The following SIGLEC1 variants were observed in gnomAD, a reference collection of about 807,000 sequenced individuals.
The protein encoded by SIGLEC1 is sialoadhesin.
In SIGLEC1, 132 loss-of-function variants were observed where a neutral mutation model predicts 148.0. The ratio of observed to expected loss-of-function variants is 0.89; its 90% CI spans 0.77 to 1.03. SIGLEC1 has a LOEUF of 1.03. Ranked by LOEUF, SIGLEC1 falls within the 50% of genes least tolerant of loss-of-function variation. The probability of loss-of-function intolerance (pLI) is 0.00; values close to 1 mark genes in which losing one functional copy is unlikely to be tolerated. For synonymous variants in SIGLEC1, 945 were observed against 969.0 expected, an observed-to-expected ratio of 0.98 and a Z score of 0.46; for missense variants, 2,253 against 2,271.4, an observed-to-expected ratio of 0.99 and a Z score of 0.16.
chr20:3,697,186 G>A lies in SIGLEC1; in HGVS notation c.2279C>T (p.Thr760Ile). ...ATCAGTTCTGGCCACGGGCAGCAGT[G>A]TCACGGTCTCCAGGGGACCCTGGGC... Reference protein sequence around the residue: ...LWAQGPLETVTLLPVARTDAA... With the variant: ...LWAQGPLETVILLPVARTDAA... The change falls in exon 10 of 22, where the codon ACA becomes ATA. Residue 760 changes from threonine (T) to isoleucine (I), a missense_variant. Physicochemically the swap from Thr to Ile is moderately conservative, Grantham distance 89. Coordinates refer to ENST00000344754, the MANE Select transcript of SIGLEC1 (RefSeq NM_023068.4). The A allele has an allele frequency of 1.2e-6, 2 of 1,613,882 alleles. No individual in the cohort carries two copies. Among genetic ancestry groups the A allele is most frequent in the Non-Finnish European group, 8.5e-7 (1 of 1,180,042 alleles).
At chr20:3,702,634 A>G (rs534980912) in intron 6 of SIGLEC1, among the ~76,000 whole-genome samples, 1 of 152,240 alleles carries the variant, frequency 6.6e-6, no homozygotes, top group South Asian at 2.1e-4. Flanking sequence ...CCTGATCATG[A>G]TCATTGCATT....
Position 3,690,260 on chromosome 20 carries a change from A to T in SIGLEC1, c.4596T>A (p.Pro1532=). 1.9e-6 allele frequency: 3 copies of T among 1,543,694 alleles called. No homozygotes were observed. Among genetic ancestry groups the T allele is most frequent in the Non-Finnish European group, 2.6e-6 (3 of 1,143,590 alleles). Residue 1532 remains proline (P), a synonymous_variant, in exon 19 of 22, where the codon CCT becomes CCA. Coordinates refer to ENST00000344754, the MANE Select transcript of SIGLEC1 (RefSeq NM_023068.4). ...AGACCATCATGGTGGGCGTCTTGGG[A>T]GGGTCTGTGGGGAGGAAGGGAGTGT... The part of the protein sequence containing the change: ...SAPVMLRVLY[P]PKTPTMMVFV...
chr20:3,694,990 C>CGT, intron 11 of SIGLEC1, 67 bp from the exon 12 acceptor site: 1 of 1,509,678 alleles, frequency 6.6e-7, no homozygotes, highest in Non-Finnish European at 9.0e-7. Context: ...GGACCATGTG[C>CGT]GTGTCCACCT....
At position 3,692,990 on chromosome 20, in the gene SIGLEC1, G is replaced by A; in HGVS notation, c.3650C>T (p.Ala1217Val). The A allele has an allele frequency of 1.2e-6, 2 of 1,612,388 alleles. No homozygotes were observed. The highest frequency in any genetic ancestry group is 1.7e-6 in the Non-Finnish European group (2 of 1,179,818). ...HAGRLLASST[A>V]ASVPNTLRLE... ...GCGCAGGGTGTTGGGGACAGAGGCT[G>A]CTGTCGAGGAGGCCAAGAGGCGACC... Residue 1217 changes from alanine to valine, a missense_variant, in exon 15 of 22, where the codon GCA becomes GTA. Physicochemically the swap from Ala to Val is moderately conservative, Grantham distance 64. Transcript: ENST00000344754.
chr20:3,697,095 C>G lies in SIGLEC1; in HGVS notation c.2370G>C (p.Leu790=), dbSNP rs368989740. The G allele has an allele frequency of 5.6e-6, 9 of 1,611,260 alleles. No homozygotes were observed. The African/African-American group carries it at 1.1e-4, about 19-fold the overall frequency. Residue 790 remains leucine, a synonymous_variant, in exon 10 of 22, where the codon CTG becomes CTC. Transcript: ENST00000344754. ...ATGCCAGTCACCCACAGAGTACACT[C>G]AGGAGCACGGGAGTGGAGAGCTGGG... is the stretch of plus-strand genomic sequence containing the variant. ...AGAQLSTPVL[L]SVLYPPDRPK...
Position 3,706,683 on chromosome 20 carries a change from T to G in SIGLEC1, c.73A>C (p.Ser25Arg). 6.4e-7 allele frequency: 1 copy of G among 1,550,638 alleles called. No individual in the cohort carries two copies. The change falls in exon 3 of 22, where the codon AGT (serine) becomes CGT (arginine). Residue 25 changes from serine (S) to arginine (R), a missense_variant. Coordinates refer to ENST00000344754, the MANE Select transcript of SIGLEC1 (RefSeq NM_023068.4). The stretch of plus-strand genomic sequence containing the variant: ...TTCACACCCTGCACGTCCTGGGGAC[T>G]GGAGACGCCCCATGAGGCCTGGCCT... ...PAGQASWGVS[S>R]PQDVQGVKGS...
Position 3,701,559 on chromosome 20 carries a change from A to G in SIGLEC1, c.1311T>C (p.Ser437=), listed in dbSNP as rs1177856108. 6.2e-7 allele frequency: 1 copy of G among 1,612,748 alleles called. No individual in the cohort carries two copies. The highest frequency in any genetic ancestry group is 1.1e-5 in the South Asian group (1 of 90,980). Reference sequence around the variant, plus strand: ...ACAGCACCAGTGTGGCCAGGGGCTCACTGACCACAGAGCAGTGAAGGATGC... The same window carrying G: ...ACAGCACCAGTGTGGCCAGGGGCTCGCTGACCACAGAGCAGTGAAGGATGC... ...LVGILHCSVV[S]EPLATLVLSH... Residue 437 remains serine, a synonymous_variant, in exon 7 of 22, where the codon AGT becomes AGC. Transcript: ENST00000344754.
chr20:3,698,792 G>A (rs2087826006), intron 8 of SIGLEC1, among the ~76,000 whole-genome samples: 1 of 152,234 alleles, frequency 6.6e-6, no homozygotes, highest in Non-Finnish European at 1.5e-5. Flanking sequence ...GAGCCTCCCC[G>A]CTTGGCGGAT....
intron 4 of SIGLEC1, 51 bp from the exon 5 acceptor site, chr20:3,704,142 G>A: frequency 6.5e-7 from 1 of 1,536,944 alleles, no homozygotes; most frequent in Non-Finnish European, 8.9e-7. Context: ...GAGGGCAGAG[G>A]ATGGCACACT....
At chr20:3,708,039 C>T (rs1339885409) in intron 1 of SIGLEC1, among the ~76,000 whole-genome samples, 2 of 152,166 alleles carry the variant, frequency 1.3e-5, no homozygotes, top group Admixed American at 1.3e-4. Context: ...AGATATGTGC[C>T]CCATAGCAGT....
intron 7 of SIGLEC1, 112 bp from the exon 8 acceptor site, chr20:3,699,571 G>C: frequency 7.3e-7 from 1 of 1,363,610 alleles, no homozygotes; most frequent in Non-Finnish European, 9.9e-7. Flanking sequence ...AGGTAGCTCT[G>C]GGCTTTGTGG....
At chr20:3,708,157 A>G (rs73584809) in intron 1 of SIGLEC1, among the ~76,000 whole-genome samples, 5,443 of 152,202 alleles carry the variant, frequency 0.036, 315 homozygotes, top group African/African-American at 0.12. Flanking sequence ...GTGGCAAGGC[A>G]AGTCTAGGTT....
intron 11 of SIGLEC1, among the ~76,000 whole-genome samples, chr20:3,695,572 G>A (rs2088813170): frequency 6.6e-6 from 1 of 152,178 alleles, no homozygotes; most frequent in Admixed American, 6.5e-5. Flanking sequence ...CAAGAACACA[G>A]ACCATGCCTG....
chr20:3,697,322 G>A lies in SIGLEC1; in HGVS notation c.2143C>T (p.Pro715Ser), dbSNP rs770761869. The change falls in exon 10 of 22, where the codon CCA (proline) becomes TCA (serine). Residue 715 changes from proline (P) to serine (S), a missense_variant. Transcript: ENST00000344754. ...GTGCCCTCCTGAAGTGTGTGTGATG[G>A]TGCAATGGCCAGGACAGTGGCTGGA... is the stretch of plus-strand genomic sequence containing the variant. ...NGQATVLAIA[P>S]SHTLQEGTEA... 1 of 1,613,860 alleles carries A rather than the reference G, an allele frequency of 6.2e-7. No individual in the cohort carries two copies. The highest frequency in any genetic ancestry group is 8.5e-7 in the Non-Finnish European group (1 of 1,180,012).
chr20:3,699,106 A>G (rs2087828133), intron 8 of SIGLEC1, 96 bp downstream of exon 8: 12 of 1,414,898 alleles, frequency 8.5e-6, no homozygotes, highest in Non-Finnish European at 1.2e-5. Flanking sequence ...CCCGATATAG[A>G]CCGTGGGGCA....
Position 3,698,131 on chromosome 20 carries a change from G to T in SIGLEC1, c.1789C>A (p.Pro597Thr), listed in dbSNP as rs1271875846. 1.9e-6 allele frequency: 3 copies of T among 1,586,800 alleles called. No individual in the cohort carries two copies. The highest frequency in any genetic ancestry group is 2.6e-6 in the Non-Finnish European group (3 of 1,169,804). ...SSPAVLTVLY[P>T]PRQPTFTTRL... ...GTGGTGAATGTTGGTTGTCGAGGGG[G>T]GTCTGCAGGGAGGAAGAACATGGGC... The change falls in exon 9 of 22, where the codon CCC becomes ACC. Residue 597 changes from proline (P) to threonine (T), a missense_variant and splice_region_variant. By Grantham distance (38) the Pro-to-Thr change is conservative (BLOSUM62 -1). Coordinates refer to ENST00000344754, the MANE Select transcript of SIGLEC1 (RefSeq NM_023068.4).
chr20:3,703,844 G>T lies in SIGLEC1; in HGVS notation c.954C>A (p.Pro318=), dbSNP rs373178169. ...ENGVGSLVSP[P]ISLHIFMAEV... Reference sequence around the variant, plus strand: ...ACTCACTGAAGATGTGGAGGCTGATGGGGGGTGAGACCAAAGAGCCCACGC... The same window carrying T: ...ACTCACTGAAGATGTGGAGGCTGATTGGGGGTGAGACCAAAGAGCCCACGC... Residue 318 remains proline, a synonymous_variant, in exon 5 of 22, where the codon CCC becomes CCA. Coordinates refer to ENST00000344754, the MANE Select transcript of SIGLEC1 (RefSeq NM_023068.4). The T allele has an allele frequency of 4.4e-5, 71 of 1,613,750 alleles. No homozygotes were observed. Among genetic ancestry groups the T allele is most frequent in the Non-Finnish European group, 5.4e-5 (64 of 1,180,002 alleles).
rs2087821246 is a variant in SIGLEC1, at chr20:3,698,150, C to T, written c.1787-17G>A. ...GAGGGGGGTCTGCAGGGAGGAAGAA[C>T]ATGGGCACTCATCCCACGGATGCTC... On this transcript the variant is annotated splice_polypyrimidine_tract_variant and intron_variant, in intron 8 of 21. Transcript: ENST00000344754. 7.1e-6 allele frequency: 11 copies of T among 1,556,526 alleles called. No individual in the cohort carries two copies. The highest frequency in any genetic ancestry group is 9.5e-6 in the Non-Finnish European group (11 of 1,154,358).
At chr20:3,703,176 C>G (rs762609965) in intron 6 of SIGLEC1, 21 bp downstream of exon 6, 1 of 1,613,418 alleles carries the variant, frequency 6.2e-7, no homozygotes, top group Non-Finnish European at 8.5e-7. Context: ...TGTCCAGTGC[C>G]ACCCCACCCT....
Sources: allele counts gnomAD v4.1 joint callset (sites outside exome capture counted in the v4.1 genomes callset), GRCh38; gene constraint gnomAD v4.1.1; transcripts MANE v1.5; gene names NCBI Gene and HGNC (gene_info 2026-07-23, HGNC 2026-07-21).